The following SHISA9 variants were observed in gnomAD, a reference collection of about 807,000 sequenced individuals.
SHISA9 encodes the protein protein shisa-9.
Under a neutral mutation model 38.0 loss-of-function variants are expected in SHISA9, and 13 were observed. That is an observed-to-expected ratio of 0.34 (90% CI 0.22 to 0.54). The LOEUF is 0.54. Ranked by LOEUF, SHISA9 falls within the 20% of genes least tolerant of loss-of-function variation. SHISA9 has a pLI of 0.91. For synonymous variants in SHISA9, 275 were observed against 242.0 expected, an observed-to-expected ratio of 1.14 and a Z score of -1.27; for missense variants, 538 against 575.8, an observed-to-expected ratio of 0.93 and a Z score of 0.67.
chr16:12,982,123 G>T (rs2072247492), intron 2 of SHISA9, among the ~76,000 whole-genome samples: 1 of 152,174 alleles, frequency 6.6e-6, no homozygotes, highest in South Asian at 2.1e-4. Flanking sequence ...GTACAGAGAG[G>T]TTAAGAAACT....
the SHISA9 span, among the ~76,000 whole-genome samples, chr16:13,355,847 G>A: frequency 6.6e-6 from 1 of 152,352 alleles, no homozygotes; most frequent in South Asian, 2.1e-4. Context: ...GCTAAGCCGA[G>A]AAGATCTGGG....
rs542379828 is a variant in SHISA9 at position 12,944,434 on chromosome 16, T to C, written c.691+27619T>C. On this transcript the variant is annotated intron_variant, in intron 2 of 4. Coordinates refer to ENST00000558583, the MANE Select transcript of SHISA9 (RefSeq NM_001145204.3). ...CTAGCATCTGGCATTGTTACGATGA[T>C]GATTGTTTCTTCCTGGAAGATTGCT... Among the ~76,000 whole-genome samples the C allele has an allele frequency of 4.6e-5, 7 of 152,296 alleles. No homozygotes were observed. The East Asian group carries it at 1.3e-3, about 29-fold the overall frequency.
At chr16:13,535,951 G>A in the SHISA9 span, among the ~76,000 whole-genome samples, 9 of 151,558 alleles carry the variant, frequency 5.9e-5, no homozygotes, top group Non-Finnish European at 1.3e-4. Flanking sequence ...TGTACTGTTC[G>A]TCCAATAGAC....
At chr16:13,469,365 A>G in the SHISA9 span, among the ~76,000 whole-genome samples, 288 of 64,362 alleles carry the variant, frequency 4.5e-3, no homozygotes, top group African/African-American at 8.3e-3. Flanking sequence ...AAAGAAAAGA[A>G]AAAGAAAGAA....
At chr16:13,193,113 C>T (rs899206745) in intron 2 of SHISA9, among the ~76,000 whole-genome samples, 1 of 152,216 alleles carries the variant, frequency 6.6e-6, no homozygotes, top group African/African-American at 2.4e-5. Context: ...TGGTTCAATG[C>T]TGAACTTCCA....
the SHISA9 span, among the ~76,000 whole-genome samples, chr16:13,374,826 T>C: frequency 6.6e-6 from 1 of 152,220 alleles, no homozygotes; most frequent in African/African-American, 2.4e-5. Context: ...CTCCAGCATC[T>C]GTTGTTTCCT....
intron 2 of SHISA9, among the ~76,000 whole-genome samples, chr16:13,165,838 T>C (rs1456499005): frequency 6.6e-6 from 1 of 152,240 alleles, no homozygotes; most frequent in African/African-American, 2.4e-5. Flanking sequence ...TAATGGACAC[T>C]GTTCCCAATA....
chr16:12,919,883 G>A (rs780155365), intron 2 of SHISA9, among the ~76,000 whole-genome samples: 1 of 152,176 alleles, frequency 6.6e-6, no homozygotes, highest in African/African-American at 2.4e-5. Flanking sequence ...CTGTGAGATG[G>A]TGATTTTCTG....
intron 2 of SHISA9, among the ~76,000 whole-genome samples, chr16:13,042,510 T>G (rs1596606863): frequency 1.3e-5 from 2 of 152,224 alleles, no homozygotes; most frequent in South Asian, 4.1e-4. Flanking sequence ...GTTGTTCTCA[T>G]CAAAGTCTTC....
the SHISA9 span, among the ~76,000 whole-genome samples, chr16:13,355,262 A>G: frequency 0.82 from 122,751 of 150,128 alleles, 50,328 homozygotes; most frequent in East Asian, 0.96. Context: ...TGTAGCAGGC[A>G]AGTAATAACA....
chr16:13,434,467 G>A, the SHISA9 span, among the ~76,000 whole-genome samples: 1 of 133,368 alleles, frequency 7.5e-6, no homozygotes, highest in African/African-American at 2.8e-5. Flanking sequence ...ACCCAGGCTG[G>A]AGTGCAGTGG....
the SHISA9 span, among the ~76,000 whole-genome samples, chr16:13,323,035 G>A: frequency 6.6e-6 from 1 of 152,244 alleles, no homozygotes; most frequent in Non-Finnish European, 1.5e-5. Flanking sequence ...TGCTATGTCT[G>A]CTTAAGAGTC....
At chr16:13,556,784 A>G in the SHISA9 span, among the ~76,000 whole-genome samples, 1 of 152,204 alleles carries the variant, frequency 6.6e-6, no homozygotes, top group Non-Finnish European at 1.5e-5. Context: ...AAAAATAAAA[A>G]CAATAATATA....
the SHISA9 span, among the ~76,000 whole-genome samples, chr16:13,442,877 A>G: frequency 9.9e-5 from 15 of 152,214 alleles, no homozygotes; most frequent in African/African-American, 2.7e-4. Context: ...TGCAACTTCC[A>G]GTGAGTCCAT....
chr16:13,387,791 A>G, the SHISA9 span, among the ~76,000 whole-genome samples: 1 of 152,060 alleles, frequency 6.6e-6, no homozygotes, highest in Non-Finnish European at 1.5e-5. Flanking sequence ...CCTGGCCTGC[A>G]TTATTCTTTA....
chr16:13,382,730 C>T, the SHISA9 span, among the ~76,000 whole-genome samples: 1 of 150,870 alleles, frequency 6.6e-6, no homozygotes, highest in Non-Finnish European at 1.5e-5. Flanking sequence ...TTGTGGCAGG[C>T]GCCTGTAATC....
intron 2 of SHISA9, among the ~76,000 whole-genome samples, chr16:12,935,925 A>G (rs2141750036): frequency 6.6e-6 from 1 of 151,172 alleles, no homozygotes; most frequent in South Asian, 2.1e-4. Context: ...AGTGGACATG[A>G]GGGCCAGGAG....
At chr16:13,043,028 C>T (rs968933178) in intron 2 of SHISA9, among the ~76,000 whole-genome samples, 3 of 152,172 alleles carry the variant, frequency 2.0e-5, no homozygotes, top group African/African-American at 7.2e-5. Context: ...TTTGCATTCA[C>T]ATAAAGTTCA....
chr16:13,039,606 A>C (rs553800814), intron 2 of SHISA9, among the ~76,000 whole-genome samples: 1 of 152,188 alleles, frequency 6.6e-6, no homozygotes, highest in South Asian at 2.1e-4. Flanking sequence ...ACCCTCTGGA[A>C]GATGAATTGG....
Sources: gnomAD v4.1 joint callset for allele counts (sites outside exome capture counted in the v4.1 genomes callset) on GRCh38, gnomAD v4.1.1 for gene constraint, MANE v1.5 for transcripts, NCBI Gene and HGNC (gene_info 2026-07-23, HGNC 2026-07-21) for gene names.